Variants in MAPKAPK5 observed in about 807,000 individuals in gnomAD.
The protein encoded by MAPKAPK5 is MAP kinase-activated protein kinase 5.
MAPKAPK5 carries 30 observed loss-of-function variants against 65.1 expected under a neutral mutation model. The observed-to-expected ratio is 0.46, with a 90% CI of 0.34 to 0.63. MAPKAPK5 has a LOEUF of 0.63. MAPKAPK5 is among the 20% of genes least tolerant of loss of function. The pLI is 0.01. For synonymous variants in MAPKAPK5, 179 were observed against 204.6 expected (o/e 0.87, Z 1.07); for missense variants, 433 against 581.4 (o/e 0.74, Z 2.63).
chr12:111,901,001 T>C lies in MAPKAPK5; in HGVS notation c.*7940T>C. 1 of 456,110 alleles carries C rather than the reference T, an allele frequency of 2.2e-6. No individual in the cohort carries two copies. The highest frequency in any genetic ancestry group is 4.4e-6 in the Non-Finnish European group (1 of 226,810). 28.3% of individuals were successfully genotyped at this position (456,110 alleles called of 1,614,324 possible). Reference sequence around the variant, plus strand: ...TTTCTACCAGTCCTGGGTCACAATATGTTCGGTGTTCAGATGGTAATATAT... The same window carrying C: ...TTTCTACCAGTCCTGGGTCACAATACGTTCGGTGTTCAGATGGTAATATAT... On this transcript the variant is annotated 3_prime_UTR_variant, in exon 14 of 14. Transcript: ENST00000550735.
chr12:111,864,132 A>G (rs1211602315), intron 1 of MAPKAPK5, among the ~76,000 whole-genome samples: 3 of 152,154 alleles, frequency 2.0e-5, no homozygotes, highest in African/African-American at 7.2e-5. Flanking sequence ...AAAATTAGCC[A>G]GATGCTGTGG....
At chr12:111,857,386 T>C (rs10774640) in intron 1 of MAPKAPK5, among the ~76,000 whole-genome samples, 39,868 of 151,850 alleles carry the variant, frequency 0.26, 6,678 homozygotes, top group East Asian at 0.79. Flanking sequence ...GGAATACAGG[T>C]GTGTGCCACC....
chr12:111,881,069 C>T (rs2070190154), intron 8 of MAPKAPK5, among the ~76,000 whole-genome samples: 1 of 152,032 alleles, frequency 6.6e-6, no homozygotes, highest in Admixed American at 6.6e-5. Context: ...ATCTGTAGCC[C>T]ACATTTTTTT....
chr12:111,853,563 C>G lies in MAPKAPK5; in HGVS notation c.36+10794C>G, dbSNP rs971489626. ...AAATTTTTTTGTTTTGAGATGGAGTCTCTCTCTGTTGCCCAGGCTGGAGTG... is the reference window on the plus strand; with the variant it reads ...AAATTTTTTTGTTTTGAGATGGAGTGTCTCTCTGTTGCCCAGGCTGGAGTG... On this transcript the variant is annotated intron_variant, in intron 1 of 13. Coordinates refer to ENST00000550735, the MANE Select transcript of MAPKAPK5 (RefSeq NM_003668.4). Among the ~76,000 whole-genome samples the G allele has an allele frequency of 3.3e-5, 5 of 151,982 alleles. No individual in the cohort carries two copies. In the South Asian group the frequency reaches 6.2e-4, roughly 19 times the overall value.
At chr12:111,879,773 T>A (rs1191994772) in intron 7 of MAPKAPK5, 2 of 153,142 alleles carry the variant, frequency 1.3e-5, no homozygotes, top group African/African-American at 2.4e-5. Context: ...AGATGGCCTT[T>A]GCAAAGTTGC....
At chr12:111,875,530 G>A (rs1305234951) in intron 7 of MAPKAPK5, among the ~76,000 whole-genome samples, 2 of 151,966 alleles carry the variant, frequency 1.3e-5, no homozygotes, top group Non-Finnish European at 2.9e-5. Flanking sequence ...TTACTGCTTG[G>A]TCCCTGCAAG....
chr12:111,901,251 T>C lies in MAPKAPK5; in HGVS notation c.*8190T>C, dbSNP rs1017332244. ...AGATAAAACCCCAGTGATTTCTGCCTGCAACCCAGAAAAAACGTGTAATGG... is the reference window on the plus strand; with the variant it reads ...AGATAAAACCCCAGTGATTTCTGCCCGCAACCCAGAAAAAACGTGTAATGG... On this transcript the variant is annotated 3_prime_UTR_variant, in exon 14 of 14. Coordinates refer to ENST00000550735, the MANE Select transcript of MAPKAPK5 (RefSeq NM_003668.4). 6.6e-6 allele frequency: 3 copies of C among 455,932 alleles called. No individual in the cohort carries two copies. The highest frequency in any genetic ancestry group is 1.3e-5 in the Non-Finnish European group (3 of 226,802). 28.2% of individuals were successfully genotyped at this position (455,932 alleles called of 1,614,324 possible).
At chr12:111,890,401 T>TCA (rs2070562377) in intron 13 of MAPKAPK5, among the ~76,000 whole-genome samples, 1 of 152,030 alleles carries the variant, frequency 6.6e-6, no homozygotes, top group South Asian at 2.1e-4. Flanking sequence ...AAAGCCCCCA[T>TCA]CACACACCAC....
chr12:111,872,644 A>G (rs1196467728), intron 7 of MAPKAPK5, among the ~76,000 whole-genome samples: 1 of 152,182 alleles, frequency 6.6e-6, no homozygotes, highest in Non-Finnish European at 1.5e-5. Flanking sequence ...TGCTATAATC[A>G]AGGTGTCAGC....
At chr12:111,884,800 C>G (rs1286376588) in intron 9 of MAPKAPK5, among the ~76,000 whole-genome samples, 2 of 152,142 alleles carry the variant, frequency 1.3e-5, no homozygotes, top group African/African-American at 4.8e-5. Context: ...AGGGGCAACA[C>G]CTGGGAGCTG....
Position 111,890,104 on chromosome 12 carries a change from C to T in MAPKAPK5, c.1281C>T (p.Cys427=). Residue 427 remains cysteine (C), a synonymous_variant, in exon 13 of 14, where the codon TGC becomes TGT. Coordinates refer to ENST00000550735, the MANE Select transcript of MAPKAPK5 (RefSeq NM_003668.4). ...AGGCTTGGAAGTATAACCGGGAATG[C>T]AAACTCCTAAGAGATACTCTGCAGA... is the stretch of plus-strand genomic sequence containing the variant. The part of the protein sequence containing the change: ...MQEAWKYNRE[C]KLLRDTLQSF... 6.3e-7 allele frequency: 1 copy of T among 1,598,796 alleles called. No homozygotes were observed. Among genetic ancestry groups the T allele is most frequent in the Non-Finnish European group, 8.5e-7 (1 of 1,172,928 alleles).
chr12:111,842,511 AG>A lies in MAPKAPK5; in HGVS notation c.-219del. 1 of 347,022 alleles carries A rather than the reference AG, an allele frequency of 2.9e-6. No individual in the cohort carries two copies. The highest frequency in any genetic ancestry group is 4.3e-5 in the East Asian group (1 of 23,446). The allele number at this position is 347,022 out of a possible 1,614,324, so 21.5% of individuals were successfully genotyped here. A position where few individuals can be genotyped will look rare whatever the true frequency, so the allele number is the denominator to read the frequency against. On this transcript the variant is annotated 5_prime_UTR_variant, in exon 1 of 14. The change abolishes the stop of an existing upstream ORF in the 5' untranslated region. Coordinates refer to ENST00000550735, the MANE Select transcript of MAPKAPK5 (RefSeq NM_003668.4). ...GGGCCCAGCACAAAGACCTGTCCCC[AG>A]GGGCCGCCGCCTCCGCCGCTGCTGC...
rs1044729072 is a variant in MAPKAPK5, at chr12:111,901,809, C to T, written c.*8748C>T. On this transcript the variant is annotated 3_prime_UTR_variant, in exon 14 of 14. Coordinates refer to ENST00000550735, the MANE Select transcript of MAPKAPK5 (RefSeq NM_003668.4). The stretch of plus-strand genomic sequence containing the variant: ...AAATAGATAGCTTTAGTGGCTCTGA[C>T]TCAGATATACTGATGTAGAAGGAAG... 3.7e-5 allele frequency: 6 copies of T among 162,856 alleles called. No homozygotes were observed. The highest frequency in any genetic ancestry group is 2.4e-4 in the Admixed American group (4 of 16,918). 10.1% of individuals were successfully genotyped at this position (162,856 alleles called of 1,614,324 possible).
At position 111,899,712 on chromosome 12, in the gene MAPKAPK5, A is replaced by G. The variant is rs2070955848; in HGVS notation, c.*6651A>G. On this transcript the variant is annotated 3_prime_UTR_variant, in exon 14 of 14. Transcript: ENST00000550735. ...ACATGACTGCCACTATGAAGGCTAC[A>G]TAGAAGGAGTGTCAGGTTCTTTTGT... The G allele has an allele frequency of 3.1e-6, 1 of 321,818 alleles. No individual in the cohort carries two copies. The highest frequency in any genetic ancestry group is 2.2e-5 in the African/African-American group (1 of 46,358). 19.9% of individuals were successfully genotyped at this position (321,818 alleles called of 1,614,324 possible). A position where few individuals can be genotyped will look rare whatever the true frequency, so the allele number is the denominator to read the frequency against.
Position 111,899,760 on chromosome 12 carries a change from C to A in MAPKAPK5, c.*6699C>A. The A allele has an allele frequency of 2.7e-6, 1 of 368,412 alleles. No homozygotes were observed. The highest frequency in any genetic ancestry group is 2.0e-5 in the South Asian group (1 of 49,986). 22.8% of individuals were successfully genotyped at this position (368,412 alleles called of 1,614,324 possible). Reference sequence around the variant, plus strand: ...TGTTTCTGTCAACATCTGTGCAGGTCTCAGGGGCACATCCTCCTGATTAAG... The same window carrying A: ...TGTTTCTGTCAACATCTGTGCAGGTATCAGGGGCACATCCTCCTGATTAAG... On this transcript the variant is annotated 3_prime_UTR_variant, in exon 14 of 14. Transcript: ENST00000550735.
In MAPKAPK5 at chr12:111,897,967, A is replaced by T. The variant is rs2070877152; in HGVS notation, c.*4906A>T. 1 of 151,776 alleles carries T rather than the reference A, an allele frequency of 6.6e-6. No homozygotes were observed. The highest frequency in any genetic ancestry group is 1.5e-5 in the Non-Finnish European group (1 of 67,996). The allele number at this position is 151,776 out of a possible 1,614,324, so 9.4% of individuals were successfully genotyped here. ...ATAACTGCGTAAGGAATGGGTGCAT[A>T]GGGCTTCTTTTCCTTTTAAATTTGT... On this transcript the variant is annotated 3_prime_UTR_variant, in exon 14 of 14. Coordinates refer to ENST00000550735, the MANE Select transcript of MAPKAPK5 (RefSeq NM_003668.4).
At chr12:111,890,998 G>A (rs143138194) in intron 13 of MAPKAPK5, among the ~76,000 whole-genome samples, 42 of 152,236 alleles carry the variant, frequency 2.8e-4, no homozygotes, top group Admixed American at 1.2e-3. Context: ...TGAGCAAACT[G>A]TACTAGACTT....
intron 7 of MAPKAPK5, among the ~76,000 whole-genome samples, chr12:111,873,822 C>A (rs566803119): frequency 6.6e-6 from 1 of 152,206 alleles, no homozygotes; most frequent in East Asian, 1.9e-4. Flanking sequence ...TATTCTAGAT[C>A]CTTTGCATTT....
chr12:111,866,353 A>ACCTCT (rs939709602), intron 3 of MAPKAPK5, 122 bp downstream of exon 3: 11 of 749,202 alleles, frequency 1.5e-5, no homozygotes, highest in Middle Eastern at 6.7e-4. Flanking sequence ...TCCAAACTTT[A>ACCTCT]CCTCTCTTCC....
Sources: gnomAD v4.1 joint callset for allele counts (sites outside exome capture counted in the v4.1 genomes callset) on GRCh38, gnomAD v4.1.1 for gene constraint, MANE v1.5 for transcripts, NCBI Gene and HGNC (gene_info 2026-07-23, HGNC 2026-07-21) for gene names.